TMEM44: variants seen among roughly 807,000 people sequenced by gnomAD.
The protein encoded by TMEM44 is transmembrane protein 44.
TMEM44 carries 43 observed loss-of-function variants against 47.8 expected under a neutral mutation model. The observed-to-expected ratio is 0.90, with a 90% CI of 0.70 to 1.16. The LOEUF (loss-of-function observed/expected upper bound fraction) is 1.16. Ranked by LOEUF, TMEM44 falls within the 50% of genes most tolerant of loss-of-function variation. The pLI, the probability that TMEM44 is intolerant of heterozygous loss-of-function variation, is 0.00. For synonymous variants in TMEM44, 277 were observed against 238.8 expected, an observed-to-expected ratio of 1.16 and a Z score of -1.48; for missense variants, 568 against 555.2, an observed-to-expected ratio of 1.02 and a Z score of -0.23.
chr3:194,628,320 A>C, intron 2 of TMEM44, 63 bp downstream of exon 2: 1 of 1,556,956 alleles, frequency 6.4e-7, no homozygotes, highest in Non-Finnish European at 8.7e-7. Context: ...GCTGCAGCAG[A>C]GAGAAAGGCC....
chr3:194,619,067 C>T (rs1396384031), intron 5 of TMEM44, among the ~76,000 whole-genome samples: 1 of 152,244 alleles, frequency 6.6e-6, no homozygotes, highest in Non-Finnish European at 1.5e-5. Context: ...AACCACCCAC[C>T]ACCATGTTAC....
At chr3:194,609,095 T>C (rs1194955280) in intron 8 of TMEM44, among the ~76,000 whole-genome samples, 2 of 151,980 alleles carry the variant, frequency 1.3e-5, no homozygotes, top group East Asian at 3.9e-4. Flanking sequence ...GCAAAGACAG[T>C]GCGTCATTTA....
chr3:194,618,657 T>C (rs567668009), intron 5 of TMEM44, among the ~76,000 whole-genome samples: 1 of 151,456 alleles, frequency 6.6e-6, no homozygotes, highest in Admixed American at 6.6e-5. Context: ...ACTCATTAGA[T>C]GACTCATTAA....
chr3:194,600,413 G>T (rs13062872), intron 9 of TMEM44, among the ~76,000 whole-genome samples: 64,650 of 150,696 alleles, frequency 0.43, 14,622 homozygotes, highest in East Asian at 0.77. Flanking sequence ...GATTACAGGC[G>T]TGAGCCACCA....
chr3:194,617,299 G>GGGGA, intron 5 of TMEM44, 30 bp from the exon 6 acceptor site: 3 of 619,748 alleles, frequency 4.8e-6, no homozygotes, highest in Non-Finnish European at 8.1e-6. Flanking sequence ...GGCTGGGCGG[G>GGGGA]AGAAGCAGCA....
At chr3:194,616,213 G>A (rs745912226) in intron 6 of TMEM44, among the ~76,000 whole-genome samples, 2 of 152,026 alleles carry the variant, frequency 1.3e-5, no homozygotes, top group Non-Finnish European at 2.9e-5. Flanking sequence ...CATCATGCTC[G>A]GGTAATTTTC....
intron 3 of TMEM44, among the ~76,000 whole-genome samples, chr3:194,624,531 A>C (rs1302662465): frequency 6.6e-6 from 1 of 151,950 alleles, no homozygotes; most frequent in Non-Finnish European, 1.5e-5. Context: ...TGATCCTCCC[A>C]CCTCAGTCTC....
intron 9 of TMEM44, among the ~76,000 whole-genome samples, chr3:194,600,911 T>C (rs1423765811): frequency 2.0e-5 from 3 of 152,236 alleles, no homozygotes; most frequent in Non-Finnish European, 4.4e-5. Context: ...ATTATCTATG[T>C]TGAGTTTGGT....
chr3:194,594,704 C>T (rs573626915), intron 9 of TMEM44, among the ~76,000 whole-genome samples: 19 of 151,066 alleles, frequency 1.3e-4, no homozygotes, highest in Admixed American at 2.0e-4. Flanking sequence ...ACAGAAATGC[C>T]GATGATATAA....
At chr3:194,628,961 C>T (rs1377900359) in intron 1 of TMEM44, among the ~76,000 whole-genome samples, 2 of 152,070 alleles carry the variant, frequency 1.3e-5, no homozygotes. Flanking sequence ...GTCAGGAGTT[C>T]GAGACCATCC....
intron 5 of TMEM44, among the ~76,000 whole-genome samples, chr3:194,620,961 G>C (rs1387897857): frequency 6.6e-6 from 1 of 151,208 alleles, no homozygotes; most frequent in Non-Finnish European, 1.5e-5. Context: ...GGGAGGCAGA[G>C]GTTGCAGTCA....
chr3:194,625,433 G>GA (rs1394117534), intron 3 of TMEM44, among the ~76,000 whole-genome samples: 1 of 100,684 alleles, frequency 9.9e-6, no homozygotes, highest in Non-Finnish European at 1.9e-5. Context: ...TCTTTTTTGG[G>GA]GGGGGGGGGT....
intron 8 of TMEM44, among the ~76,000 whole-genome samples, chr3:194,605,934 G>A (rs1228198356): frequency 1.3e-5 from 2 of 152,102 alleles, no homozygotes; most frequent in Non-Finnish European, 2.9e-5. Context: ...GTCAGAGTCA[G>A]GTGGACTGGC....
intron 5 of TMEM44, among the ~76,000 whole-genome samples, chr3:194,621,798 C>A (rs1301591924): frequency 6.6e-6 from 1 of 152,098 alleles, no homozygotes; most frequent in African/African-American, 2.4e-5. Flanking sequence ...CTCACTGCAA[C>A]CCCCACCTCC....
In TMEM44 at chr3:194,588,266, A is replaced by C. The variant is rs1712103194; in HGVS notation, c.*263T>G. 2 of 446,414 alleles carry C rather than the reference A, an allele frequency of 4.5e-6. No homozygotes were observed. The highest frequency in any genetic ancestry group is 8.0e-6 in the Non-Finnish European group (2 of 250,502). The allele number at this position is 446,414 out of a possible 1,614,324, so 27.7% of individuals were successfully genotyped here. On this transcript the variant is annotated 3_prime_UTR_variant, in exon 10 of 10. Transcript: ENST00000347147. ...GAGCGGGTCTGAGATCCTTTGGATT[A>C]TCTTTACGAAGCAAAAGCTTCTGTG...
intron 9 of TMEM44, among the ~76,000 whole-genome samples, chr3:194,594,159 C>CTA (rs1553824470): frequency 1.5e-4 from 23 of 150,988 alleles, no homozygotes; most frequent in African/African-American, 5.1e-4. Context: ...ATCTATCTAT[C>CTA]TATCTATATC....
chr3:194,604,144 G>T, intron 9 of TMEM44, 143 bp downstream of exon 9: 1 of 1,080,506 alleles, frequency 9.3e-7, no homozygotes, highest in Non-Finnish European at 1.3e-6. Context: ...GTGAGCCACC[G>T]CGCCTGGCCT....
At position 194,610,939 on chromosome 3, in the gene TMEM44, G is replaced by A. The variant is rs1455004760; in HGVS notation, c.994C>T (p.Leu332=). Residue 332 remains leucine (L), a synonymous_variant, in exon 8 of 10, where the codon CTG becomes TTG. Coordinates refer to ENST00000347147, the MANE Select transcript of TMEM44 (RefSeq NM_001011655.3). ...ACCTGCTGCACAGGCTCGATGGTCA[G>A]CTCCATGTAGCGACTGATTGCTGTC... ...TMTAISRYME[L]TIEPVQQAGC... is the part of the protein sequence containing the mutation. 1.2e-6 allele frequency: 2 copies of A among 1,613,830 alleles called. No individual in the cohort carries two copies. Among genetic ancestry groups the A allele is most frequent in the Non-Finnish European group, 8.5e-7 (1 of 1,179,934 alleles).
At chr3:194,606,318 C>T (rs1029589257) in intron 8 of TMEM44, among the ~76,000 whole-genome samples, 6 of 152,158 alleles carry the variant, frequency 3.9e-5, no homozygotes, top group Non-Finnish European at 4.4e-5. Flanking sequence ...AACAAGGGAG[C>T]ACCTCTGCAG....
Sources: gnomAD v4.1 joint callset for allele counts (sites outside exome capture counted in the v4.1 genomes callset) on GRCh38, gnomAD v4.1.1 for gene constraint, MANE v1.5 for transcripts, NCBI Gene and HGNC (gene_info 2026-07-23, HGNC 2026-07-21) for gene names.